PIAS4: variants seen among roughly 807,000 people sequenced by gnomAD.
The protein encoded by PIAS4 is protein inhibitor of activated STAT 4.
In PIAS4, 7 loss-of-function variants were observed where a neutral mutation model predicts 58.0. That is an observed-to-expected ratio of 0.12 (90% CI 0.07 to 0.23). The LOEUF is 0.23. Ranked by LOEUF, PIAS4 falls within the 10% of genes least tolerant of loss-of-function variation. The probability of loss-of-function intolerance (pLI) is 1.00; values close to 1 mark genes in which losing one functional copy is unlikely to be tolerated. For synonymous variants in PIAS4, 364 were observed against 312.4 expected (o/e 1.17, Z -1.74); for missense variants, 550 against 709.5 (o/e 0.78, Z 2.55).
chr19:4,014,510 C>T (rs192966772), intron 2 of PIAS4, among the ~76,000 whole-genome samples: 1 of 152,242 alleles, frequency 6.6e-6, no homozygotes, highest in Non-Finnish European at 1.5e-5. Context: ...TCACCAAGTC[C>T]TCTGTGTGCC....
intron 1 of PIAS4, among the ~76,000 whole-genome samples, chr19:4,012,394 G>A (rs2040004908): frequency 1.3e-5 from 2 of 152,072 alleles, no homozygotes; most frequent in Non-Finnish European, 2.9e-5. Flanking sequence ...TCACATGACC[G>A]GCTTGGTTCC....
chr19:4,023,960 C>G, intron 2 of PIAS4, 76 bp from the exon 3 acceptor site: 4 of 968,576 alleles, frequency 4.1e-6, no homozygotes. Flanking sequence ...TGAAGAGGCG[C>G]AGGCTGGGAA....
intron 2 of PIAS4, among the ~76,000 whole-genome samples, chr19:4,022,552 G>A (rs2040120611): frequency 6.6e-6 from 1 of 151,786 alleles, no homozygotes; most frequent in Non-Finnish European, 1.5e-5. Context: ...ATTTTTAGTA[G>A]AGATGGGGTT....
chr19:4,016,418 C>T (rs1243917756), intron 2 of PIAS4, among the ~76,000 whole-genome samples: 3 of 152,228 alleles, frequency 2.0e-5, no homozygotes, highest in African/African-American at 4.8e-5. Context: ...AGCCAAGAGC[C>T]GCCGGTCTGG....
intron 2 of PIAS4, among the ~76,000 whole-genome samples, chr19:4,015,685 A>T (rs944172984): frequency 1.3e-5 from 2 of 151,858 alleles, no homozygotes; most frequent in Non-Finnish European, 2.9e-5. Flanking sequence ...CCCAGGGTGC[A>T]CTCTGTGGTG....
intron 2 of PIAS4, among the ~76,000 whole-genome samples, chr19:4,020,793 G>T (rs118100995): frequency 0.011 from 1,718 of 150,778 alleles, 91 homozygotes; most frequent in Admixed American, 0.089. Context: ...TAGAGACAAG[G>T]TCTCACTGTG....
chr19:4,034,674 C>G (rs551988520), intron 9 of PIAS4, among the ~76,000 whole-genome samples: 36 of 152,358 alleles, frequency 2.4e-4, no homozygotes, highest in Non-Finnish European at 4.9e-4. Context: ...CCCGCCTTCC[C>G]CCACAGGCCC....
At chr19:4,018,708 G>A (rs1349137235) in intron 2 of PIAS4, 1 of 152,286 alleles carries the variant, frequency 6.6e-6, no homozygotes, top group Non-Finnish European at 1.5e-5. Flanking sequence ...GTGATGTAGG[G>A]AAACTGAGTC....
At chr19:4,007,849 A>G (rs1404192835) in intron 1 of PIAS4, 62 bp downstream of exon 1, 26 of 1,161,894 alleles carry the variant, frequency 2.2e-5, no homozygotes, top group Non-Finnish European at 2.4e-5. Context: ...GCCGGGCCGC[A>G]GGTCGAGGTC....
intron 2 of PIAS4, among the ~76,000 whole-genome samples, chr19:4,014,983 A>G (rs887349317): frequency 7.2e-5 from 11 of 152,208 alleles, no homozygotes. Flanking sequence ...TCCTCCCTCC[A>G]GCCTGAGGCT....
intron 9 of PIAS4, among the ~76,000 whole-genome samples, chr19:4,035,861 C>A (rs1197949908): frequency 1.6e-4 from 24 of 147,824 alleles, no homozygotes; most frequent in Admixed American, 1.6e-3. Flanking sequence ...TCCATACAGT[C>A]CACACCGTCT....
At chr19:4,026,568 T>A (rs1356911576) in intron 3 of PIAS4, among the ~76,000 whole-genome samples, 1 of 34,812 alleles carries the variant, frequency 2.9e-5, no homozygotes, top group Non-Finnish European at 1.1e-4. Context: ...GGCAGTCATG[T>A]CCATCCCCAG....
chr19:4,028,250 C>G, intron 4 of PIAS4, 63 bp downstream of exon 4: 1 of 1,432,852 alleles, frequency 7.0e-7, no homozygotes, highest in Non-Finnish European at 9.6e-7. Flanking sequence ...CTCCCCGCCC[C>G]CCAGTCCTGG....
intron 4 of PIAS4, 48 bp downstream of exon 4, chr19:4,028,235 C>A: frequency 6.9e-7 from 1 of 1,457,764 alleles, no homozygotes; most frequent in Non-Finnish European, 9.4e-7. Context: ...CCCAGCCACC[C>A]GCCCCTCCCC....
intron 3 of PIAS4, among the ~76,000 whole-genome samples, chr19:4,026,069 G>T (rs1360333803): frequency 8.9e-5 from 3 of 33,704 alleles, no homozygotes; most frequent in East Asian, 8.3e-4. Flanking sequence ...GGGAGACTCC[G>T]TCTCAAAAAA....
intron 2 of PIAS4, among the ~76,000 whole-genome samples, chr19:4,017,021 C>G (rs1169715572): frequency 6.6e-6 from 1 of 152,150 alleles, no homozygotes; most frequent in Admixed American, 6.5e-5. Context: ...ACAGCCAGGC[C>G]TGCTGCCCGC....
Position 4,028,735 on chromosome 19 carries a change from A to G in PIAS4, c.688A>G (p.Asn230Asp). The part of the protein sequence containing the change: ...YCSVPGYYPS[N>D]KPGVEPKRPC... ...CTGCTTGCAGGGCTACTACCCCTCCAATAAGCCCGGGGTGGAGCCCAAGAG... is the reference window on the plus strand; with the variant it reads ...CTGCTTGCAGGGCTACTACCCCTCCGATAAGCCCGGGGTGGAGCCCAAGAG... The change falls in exon 6 of 11, where the codon AAT (asparagine) becomes GAT (aspartate). Residue 230 changes from asparagine to aspartate, a missense_variant. Asn to Asp is a conservative substitution (Grantham distance 23). Around this residue, in one of 4 missense-constraint regions of PIAS4, gnomAD observed 225 missense variants for 345.8 expected, o/e 0.65. Coordinates refer to ENST00000262971, the MANE Select transcript of PIAS4 (RefSeq NM_015897.4). The G allele has an allele frequency of 6.2e-7, 1 of 1,611,262 alleles. No individual in the cohort carries two copies.
chr19:4,011,001 C>T (rs148977332), intron 1 of PIAS4, among the ~76,000 whole-genome samples: 33 of 152,290 alleles, frequency 2.2e-4, no homozygotes, highest in African/African-American at 6.7e-4. Context: ...GATGAGGACC[C>T]GACAGTGGGC....
Position 4,013,813 on chromosome 19 carries a change from C to T in PIAS4, c.454+464C>T, listed in dbSNP as rs1264543850. On this transcript the variant is annotated intron_variant, in intron 2 of 10. Coordinates refer to ENST00000262971, the MANE Select transcript of PIAS4 (RefSeq NM_015897.4). The surrounding 1 kb of genome is among the most constrained non-coding windows in gnomAD (Gnocchi z 5.1). ...CACGGATTGCCTGGGCGTCCTCAGCCTGGTGGCTCCCTCACCCTAGGGTAG... is the reference window on the plus strand; with the variant it reads ...CACGGATTGCCTGGGCGTCCTCAGCTTGGTGGCTCCCTCACCCTAGGGTAG... 1.3e-5 allele frequency among the ~76,000 whole-genome samples: 2 copies of T among 152,210 alleles called. No homozygotes were observed. The highest frequency in any genetic ancestry group is 4.8e-5 in the African/African-American group (2 of 41,458).
Sources: allele counts gnomAD v4.1 joint callset (sites outside exome capture counted in the v4.1 genomes callset), GRCh38; gene constraint gnomAD v4.1.1; regional missense constraint gnomAD v4.1.1; non-coding constraint Gnocchi (gnomAD v3.1); transcripts MANE v1.5; gene names NCBI Gene and HGNC (gene_info 2026-07-23, HGNC 2026-07-21).